SOS1: variants seen among roughly 807,000 people sequenced by gnomAD.
The protein encoded by SOS1 is SOS Ras/Rac guanine nucleotide exchange factor 1.
In SOS1, 25 loss-of-function variants were observed where a neutral mutation model predicts 157.6. The ratio of observed to expected loss-of-function variants is 0.16; its 90% CI spans 0.12 to 0.22. The LOEUF (loss-of-function observed/expected upper bound fraction) is 0.22. SOS1 is among the 10% of genes least tolerant of loss of function. The probability of loss-of-function intolerance (pLI) is 1.00; values close to 1 mark genes in which losing one functional copy is unlikely to be tolerated. For synonymous variants in SOS1, 528 were observed against 534.0 expected (o/e 0.99, Z 0.16); for missense variants, 1,237 against 1,599.1 (o/e 0.77, Z 3.86).
chr2:39,091,795 C>G (rs1427610617), intron 1 of SOS1, among the ~76,000 whole-genome samples: 1 of 152,176 alleles, frequency 6.6e-6, no homozygotes, highest in Non-Finnish European at 1.5e-5. Flanking sequence ...CGCATCTCAT[C>G]TGACCTCTTG....
At chr2:39,037,921 A>G (rs776148205) in intron 6 of SOS1, among the ~76,000 whole-genome samples, 2 of 152,222 alleles carry the variant, frequency 1.3e-5, no homozygotes, top group Non-Finnish European at 2.9e-5. Context: ...CAGCTCAGAA[A>G]AAAAAAAATT....
rs1668412963 is a variant in SOS1 at position 38,982,019 on chromosome 2, C to T, written c.*3805G>A. 1 of 152,144 alleles carries T rather than the reference C, an allele frequency of 6.6e-6. No individual in the cohort carries two copies. Among genetic ancestry groups the T allele is most frequent in the African/African-American group, 2.4e-5 (1 of 41,432 alleles). 9.4% of individuals were successfully genotyped at this position (152,144 alleles called of 1,614,324 possible). On this transcript the variant is annotated 3_prime_UTR_variant, in exon 23 of 23. Coordinates refer to ENST00000402219, the MANE Select transcript of SOS1 (RefSeq NM_005633.4). ...GCTACTGAAAGTGGCATGCATCTGG[C>T]ACAGGTGCGCTCTCCCTAAGCCACA...
chr2:39,067,346 C>T (rs913952646), intron 2 of SOS1, among the ~76,000 whole-genome samples: 1 of 152,074 alleles, frequency 6.6e-6, no homozygotes, highest in Non-Finnish European at 1.5e-5. Flanking sequence ...TGACATGATG[C>T]TCACTGGAAC....
chr2:39,047,645 T>A (rs1484431068), intron 6 of SOS1, among the ~76,000 whole-genome samples: 1 of 152,224 alleles, frequency 6.6e-6, no homozygotes. Context: ...AGTTATTGAT[T>A]TGTAGGCATG....
chr2:39,022,444 T>C (rs1669827652), intron 10 of SOS1, 126 bp downstream of exon 10: 6 of 719,126 alleles, frequency 8.3e-6, no homozygotes, highest in East Asian at 2.7e-5. Context: ...GGGGTATTTT[T>C]AGTCAAAGAA....
In SOS1 at chr2:39,051,293, TG is replaced by T. The variant is rs1671008952; in HGVS notation, c.721-7del. 5 of 1,609,972 alleles carry T rather than the reference TG, an allele frequency of 3.1e-6. 1 individual carries two copies. The highest frequency in any genetic ancestry group is 1.7e-4 in the Middle Eastern group (1 of 6,044). On this transcript the variant is annotated splice_polypyrimidine_tract_variant and splice_region_variant and intron_variant, in intron 5 of 22. Coordinates refer to ENST00000402219, the MANE Select transcript of SOS1 (RefSeq NM_005633.4). ...CTAAATATATTTTCTACATCCTGTT[TG>T]GGGGAAAACACATTAATTCAGTGAG...
In SOS1 at chr2:39,038,867, A is replaced by G. The variant is rs1026776480; in HGVS notation, c.865-3367T>C. Among the ~76,000 whole-genome samples, 3 of 152,208 alleles carry G rather than the reference A, an allele frequency of 2.0e-5. No homozygotes were observed. The East Asian group carries it at 5.8e-4, about 29-fold the overall frequency. On this transcript the variant is annotated intron_variant, in intron 6 of 22. Coordinates refer to ENST00000402219, the MANE Select transcript of SOS1 (RefSeq NM_005633.4). ...TAAAACGGTGGCAGAGTTTGAGAGG[A>G]TTGACTCCAATACTGAAAGAATTTC... is the stretch of plus-strand genomic sequence containing the variant.
chr2:39,040,160 C>T (rs1043685411), intron 6 of SOS1, among the ~76,000 whole-genome samples: 3 of 151,810 alleles, frequency 2.0e-5, no homozygotes, highest in African/African-American at 4.8e-5. Flanking sequence ...TACAAGCGCC[C>T]GCCACTACAC....
intron 1 of SOS1, among the ~76,000 whole-genome samples, chr2:39,069,405 T>C (rs1671719088): frequency 6.6e-6 from 1 of 151,834 alleles, no homozygotes; most frequent in South Asian, 2.1e-4. Context: ...GATAGTATCC[T>C]ACATAATAAT....
intron 9 of SOS1, 58 bp downstream of exon 9, chr2:39,023,952 G>A (rs1010491472): frequency 2.1e-5 from 27 of 1,300,396 alleles, no homozygotes; most frequent in Non-Finnish European, 2.9e-5. Flanking sequence ...TGGGATCCCT[G>A]AATTTACACC....
intron 8 of SOS1, among the ~76,000 whole-genome samples, chr2:39,030,477 A>T (rs1670120811): frequency 6.6e-6 from 1 of 151,702 alleles, no homozygotes; most frequent in Non-Finnish European, 1.5e-5. Flanking sequence ...GGCTGAGATG[A>T]GAAGATTGTT....
intron 20 of SOS1, chr2:38,992,399 CCCT>C (rs1668762379): frequency 6.6e-6 from 1 of 152,034 alleles, no homozygotes; most frequent in South Asian, 2.1e-4. Context: ...ATTGAGAAAA[CCCT>C]CAAGTCTAAG....
intron 1 of SOS1, among the ~76,000 whole-genome samples, chr2:39,103,799 T>G (rs1021498003): frequency 2.0e-5 from 3 of 152,228 alleles, no homozygotes; most frequent in Non-Finnish European, 2.9e-5. Context: ...TAAATCTGAC[T>G]TCGTCAAAAT....
Position 38,997,587 on chromosome 2 carries a change from G to A in SOS1, c.2792-162C>T, listed in dbSNP as rs1354022602. On this transcript the variant is annotated intron_variant, in intron 17 of 22. Transcript: ENST00000402219. Reference sequence around the variant, plus strand: ...TATGAAAACAGCAGCTTAAGAGAAAGTATCTGTGAAAGACTTAAATTTTTT... The same window carrying A: ...TATGAAAACAGCAGCTTAAGAGAAAATATCTGTGAAAGACTTAAATTTTTT... 2.1e-5 allele frequency among the ~76,000 whole-genome samples: 3 copies of A among 141,976 alleles called. 1 individual carries two copies. The highest frequency in any genetic ancestry group is 4.5e-5 in the Non-Finnish European group (3 of 66,354). The allele number at this position is 141,976 out of a possible 152,430, so 93.1% of individuals were successfully genotyped here.
chr2:39,071,893 T>G (rs1246559441), intron 1 of SOS1, among the ~76,000 whole-genome samples: 1 of 151,990 alleles, frequency 6.6e-6, no homozygotes, highest in Non-Finnish European at 1.5e-5. Context: ...TCAAGTTTTT[T>G]TATCTGCCTA....
At chr2:39,114,077 C>G (rs1673547611) in intron 1 of SOS1, among the ~76,000 whole-genome samples, 1 of 151,906 alleles carries the variant, frequency 6.6e-6, no homozygotes, top group Non-Finnish European at 1.5e-5. Context: ...ATCAATGACT[C>G]TTTCTTTTCT....
chr2:38,989,845 A>G (rs1276062389), intron 20 of SOS1, among the ~76,000 whole-genome samples: 1 of 152,120 alleles, frequency 6.6e-6, no homozygotes, highest in South Asian at 2.1e-4. Flanking sequence ...TTATAGTCAT[A>G]AACATTTTTT....
chr2:39,031,784 A>T (rs528942018), intron 8 of SOS1, among the ~76,000 whole-genome samples: 36 of 152,282 alleles, frequency 2.4e-4, no homozygotes, highest in African/African-American at 8.2e-4. Flanking sequence ...CCAAGAAAGA[A>T]ATCTAAATTT....
upstream of SOS1, among the ~76,000 whole-genome samples, chr2:39,122,258 T>C (rs1171248784): frequency 6.6e-6 from 1 of 150,748 alleles, no homozygotes; most frequent in Non-Finnish European, 1.5e-5. Context: ...TGTGAAAACC[T>C]GTCTCCATAA....
Sources: allele counts gnomAD v4.1 joint callset (sites outside exome capture counted in the v4.1 genomes callset), GRCh38; gene constraint gnomAD v4.1.1; transcripts MANE v1.5; gene names NCBI Gene and HGNC (gene_info 2026-07-23, HGNC 2026-07-21).